The following KLF12 variants were observed in gnomAD, a reference collection of about 807,000 sequenced individuals.
The protein encoded by KLF12 is KLF transcription factor 12, also known as Krueppel-like factor 12.
In KLF12, 9 loss-of-function variants were observed where a neutral mutation model predicts 37.8. That is an observed-to-expected ratio of 0.24 (90% CI 0.14 to 0.42). KLF12 has a LOEUF of 0.42. KLF12 is among the 10% of genes least tolerant of loss of function. The pLI is 1.00. For missense variants in KLF12, 411 were observed against 516.0 expected, an observed-to-expected ratio of 0.80 and a Z score of 1.97; for synonymous variants, 208 against 202.1, an observed-to-expected ratio of 1.03 and a Z score of -0.25.
chr13:73,755,733 C>G (rs555927594), intron 6 of KLF12, among the ~76,000 whole-genome samples: 1 of 151,950 alleles, frequency 6.6e-6, no homozygotes, highest in South Asian at 2.1e-4. Flanking sequence ...GAGCAGTGTA[C>G]ACTGTACCCT....
intron 3 of KLF12, among the ~76,000 whole-genome samples, chr13:73,933,404 T>C (rs1319423498): frequency 1.3e-5 from 2 of 152,214 alleles, no homozygotes; most frequent in African/African-American, 4.8e-5. Context: ...CAAGATGTGA[T>C]CATGTCTTCT....
intron 3 of KLF12, among the ~76,000 whole-genome samples, chr13:73,936,653 C>T (rs1010932068): frequency 5.3e-5 from 8 of 152,114 alleles, no homozygotes; most frequent in African/African-American, 1.9e-4. Context: ...CTCAGTGAGA[C>T]GGCGAGGCCC....
chr13:73,901,110 TG>T (rs1402797191), intron 3 of KLF12, among the ~76,000 whole-genome samples: 1 of 152,248 alleles, frequency 6.6e-6, no homozygotes, highest in African/African-American at 2.4e-5. Context: ...ATTGTGTTTT[TG>T]TGTTGCTGTT....
At chr13:74,267,302 T>A in the KLF12 span, among the ~76,000 whole-genome samples, 479 of 152,284 alleles carry the variant, frequency 3.1e-3, 3 homozygotes, top group African/African-American at 0.011. Flanking sequence ...TCAAAATGTA[T>A]CCTTATAAGA....
intron 2 of KLF12, among the ~76,000 whole-genome samples, chr13:73,972,090 AGACAACCT>A (rs2138111374): frequency 6.6e-6 from 1 of 152,340 alleles, no homozygotes; most frequent in African/African-American, 2.4e-5. Flanking sequence ...CAAATGCTAA[AGACAACCT>A]TAAAATTCTG....
the KLF12 span, among the ~76,000 whole-genome samples, chr13:74,275,802 CTTTCCTTCTTTCTTTCTTTCTTTCT>C: frequency 9.2e-4 from 95 of 103,076 alleles, no homozygotes; most frequent in African/African-American, 1.7e-3. Flanking sequence ...TTCTTTCTTT[CTTTCCTTCTTTCTTTCTTTCTTTCT>C]TTCTTTCTTT....
rs545893680 is a variant in KLF12 at position 74,133,835 on chromosome 13, A to G, written c.-128T>C. On this transcript the variant is annotated 5_prime_UTR_variant, in exon 1 of 8. Coordinates refer to ENST00000377669, the MANE Select transcript of KLF12 (RefSeq NM_007249.5). ...TTCTCTCTCTCACACGCGCGCGCGC[A>G]CACACACACACACACTCGCACACAC... Among the ~76,000 whole-genome samples, 122 of 9,164 alleles carry G rather than the reference A, an allele frequency of 0.013. No homozygotes were observed. Among genetic ancestry groups the G allele is most frequent in the East Asian group, 0.077 (2 of 26 alleles). The allele number at this position is 9,164 out of a possible 152,430, so 6.0% of individuals were successfully genotyped here.
At chr13:73,983,962 C>T (rs894969880) in intron 2 of KLF12, among the ~76,000 whole-genome samples, 1 of 152,198 alleles carries the variant, frequency 6.6e-6, no homozygotes, top group Non-Finnish European at 1.5e-5. Context: ...CATGTGGAGA[C>T]GTCCATTCAT....
the KLF12 span, among the ~76,000 whole-genome samples, chr13:74,148,818 T>C: frequency 6.6e-6 from 1 of 152,118 alleles, no homozygotes; most frequent in Non-Finnish European, 1.5e-5. Context: ...CTTGGATCTC[T>C]TTTGTTTTTG....
chr13:73,801,350 CTGAGT>C (rs1882270274), intron 5 of KLF12: 3 of 152,050 alleles, frequency 2.0e-5, no homozygotes, highest in Non-Finnish European at 4.4e-5. Context: ...TCCTGGTGAA[CTGAGT>C]TAATTTCAAA....
intron 4 of KLF12, among the ~76,000 whole-genome samples, chr13:73,829,824 T>C (rs1484533191): frequency 2.0e-5 from 3 of 152,232 alleles, no homozygotes; most frequent in Non-Finnish European, 4.4e-5. Flanking sequence ...GATGATTGCA[T>C]TCTCAACGTT....
At chr13:73,895,855 C>A (rs1432401774) in intron 3 of KLF12, among the ~76,000 whole-genome samples, 10 of 149,372 alleles carry the variant, frequency 6.7e-5, no homozygotes, top group Admixed American at 4.7e-4. Context: ...GAATCTCGCT[C>A]TGTCACACAG....
intron 2 of KLF12, among the ~76,000 whole-genome samples, chr13:73,957,517 G>T (rs1007313330): frequency 6.6e-6 from 1 of 152,184 alleles, no homozygotes; most frequent in Non-Finnish European, 1.5e-5. Flanking sequence ...AGTCTCCAAA[G>T]TAACTACAAT....
the KLF12 span, among the ~76,000 whole-genome samples, chr13:74,235,816 T>C: frequency 2.8e-4 from 42 of 152,258 alleles, 1 homozygote; most frequent in East Asian, 4.4e-3. Context: ...AAATTCATAA[T>C]AACATATATG....
At chr13:73,987,932 G>T (rs1398661585) in intron 2 of KLF12, among the ~76,000 whole-genome samples, 1 of 151,930 alleles carries the variant, frequency 6.6e-6, no homozygotes, top group Non-Finnish European at 1.5e-5. Flanking sequence ...GGTAGAAAAA[G>T]AAATAAGCCT....
intron 1 of KLF12, among the ~76,000 whole-genome samples, chr13:74,021,460 G>A (rs1448977853): frequency 6.6e-6 from 1 of 152,110 alleles, no homozygotes; most frequent in Non-Finnish European, 1.5e-5. Flanking sequence ...TGTGACGCAG[G>A]GGATTCTGTA....
At chr13:74,249,847 A>G in the KLF12 span, among the ~76,000 whole-genome samples, 1 of 152,186 alleles carries the variant, frequency 6.6e-6, no homozygotes, top group Non-Finnish European at 1.5e-5. Context: ...AAACAGAGTC[A>G]GTGGACACTT....
chr13:74,037,438 A>G (rs1893282695), intron 1 of KLF12, among the ~76,000 whole-genome samples: 1 of 152,094 alleles, frequency 6.6e-6, no homozygotes, highest in South Asian at 2.1e-4. Flanking sequence ...ATCCATCTTT[A>G]CAACCTCAAT....
chr13:73,814,857 G>A (rs1883130854), intron 4 of KLF12, among the ~76,000 whole-genome samples: 1 of 151,962 alleles, frequency 6.6e-6, no homozygotes, highest in African/African-American at 2.4e-5. Flanking sequence ...TCACAGCAAA[G>A]ACTGAACCAG....
Sources: allele counts gnomAD v4.1 joint callset (sites outside exome capture counted in the v4.1 genomes callset), GRCh38; gene constraint gnomAD v4.1.1; transcripts MANE v1.5; gene names NCBI Gene and HGNC (gene_info 2026-07-23, HGNC 2026-07-21).